RCAN2: variants seen among roughly 807,000 people sequenced by gnomAD.
RCAN2 encodes the protein regulator of calcineurin 2.
RCAN2 carries 9 observed loss-of-function variants against 23.6 expected under a neutral mutation model. The ratio of observed to expected loss-of-function variants is 0.38; its 90% CI spans 0.23 to 0.67. The LOEUF (loss-of-function observed/expected upper bound fraction) is 0.67. RCAN2 is among the 30% of genes least tolerant of loss of function. The probability of loss-of-function intolerance (pLI) is 0.51; values close to 1 mark genes in which losing one functional copy is unlikely to be tolerated. For missense variants in RCAN2, 273 were observed against 302.3 expected (o/e 0.90, Z 0.72); for synonymous variants, 109 against 115.7 (o/e 0.94, Z 0.37).
intron 2 of RCAN2, among the ~76,000 whole-genome samples, chr6:46,449,936 A>C (rs1249597285): frequency 6.6e-6 from 1 of 152,042 alleles, no homozygotes; most frequent in Non-Finnish European, 1.5e-5. Flanking sequence ...TGACCCCAAA[A>C]GCACAGGCAA....
chr6:46,477,872 GCTAACT>G (rs1768757656), intron 1 of RCAN2, among the ~76,000 whole-genome samples: 1 of 152,110 alleles, frequency 6.6e-6, no homozygotes, highest in Non-Finnish European at 1.5e-5. Flanking sequence ...CCATAAAATG[GCTAACT>G]CTAAGTATAT....
chr6:46,412,391 T>C (rs1466725269), intron 2 of RCAN2, among the ~76,000 whole-genome samples: 1 of 152,174 alleles, frequency 6.6e-6, no homozygotes, highest in African/African-American at 2.4e-5. Context: ...TTCTGGGGTA[T>C]AGTTGAGACT....
intron 2 of RCAN2, among the ~76,000 whole-genome samples, chr6:46,258,215 AT>A (rs1654363182): frequency 6.6e-6 from 1 of 152,184 alleles, no homozygotes; most frequent in African/African-American, 2.4e-5. Flanking sequence ...GGCAAATCCC[AT>A]GTTGAAGAAC....
intron 2 of RCAN2, among the ~76,000 whole-genome samples, chr6:46,275,887 T>A (rs1041888281): frequency 5.3e-5 from 8 of 152,200 alleles, no homozygotes; most frequent in Admixed American, 2.0e-4. Context: ...CATCACCATT[T>A]TAGTGAGGTG....
At chr6:46,437,525 G>A (rs1767409197) in intron 2 of RCAN2, among the ~76,000 whole-genome samples, 2 of 152,186 alleles carry the variant, frequency 1.3e-5, no homozygotes, top group Non-Finnish European at 2.9e-5. Flanking sequence ...ACTTTTATTA[G>A]GGAGGACTTC....
chr6:46,348,910 T>C (rs1764568011), intron 2 of RCAN2, among the ~76,000 whole-genome samples: 1 of 152,126 alleles, frequency 6.6e-6, no homozygotes, highest in Non-Finnish European at 1.5e-5. Context: ...CTGCAGATAA[T>C]AGAGGACTCT....
intron 2 of RCAN2, among the ~76,000 whole-genome samples, chr6:46,320,408 A>G (rs1314125618): frequency 6.6e-6 from 1 of 152,132 alleles, no homozygotes; most frequent in African/African-American, 2.4e-5. Flanking sequence ...ATACAAAACA[A>G]GTGATTTGAA....
rs534931402 is a variant in RCAN2 at position 46,264,332 on chromosome 6, C to A, written c.226-15436G>T. Reference sequence around the variant, plus strand: ...ATCAAAGTAAGCTTTTCAAAAGCAGCAGGGTATCCTTTAACTTATTTTTCC... The same window carrying A: ...ATCAAAGTAAGCTTTTCAAAAGCAGAAGGGTATCCTTTAACTTATTTTTCC... On this transcript the variant is annotated intron_variant, in intron 2 of 4. Coordinates refer to ENST00000371374, the MANE Select transcript of RCAN2 (RefSeq NM_001251974.2). Among the ~76,000 whole-genome samples, 33 of 152,280 alleles carry A rather than the reference C, an allele frequency of 2.2e-4. 3 individuals carry two copies. Among genetic ancestry groups the A allele is most frequent in the African/African-American group, 7.9e-4 (33 of 41,578 alleles).
intron 2 of RCAN2, among the ~76,000 whole-genome samples, chr6:46,290,191 C>T (rs1305025382): frequency 1.3e-5 from 2 of 152,076 alleles, no homozygotes; most frequent in African/African-American, 4.8e-5. Flanking sequence ...TGTCTTTCTG[C>T]AGTGACTCAG....
intron 2 of RCAN2, among the ~76,000 whole-genome samples, chr6:46,310,786 C>A (rs1000529227): frequency 6.6e-6 from 1 of 152,076 alleles, no homozygotes; most frequent in Non-Finnish European, 1.5e-5. Flanking sequence ...ATGGATTTTT[C>A]TTTTATTCCT....
intron 2 of RCAN2, among the ~76,000 whole-genome samples, chr6:46,320,481 T>C (rs527887079): frequency 6.6e-6 from 1 of 152,334 alleles, no homozygotes; most frequent in East Asian, 1.9e-4. Flanking sequence ...TGTGCTGGTC[T>C]TTTTCATAAC....
chr6:46,257,776 A>G (rs1012714093), intron 2 of RCAN2, among the ~76,000 whole-genome samples: 1 of 152,330 alleles, frequency 6.6e-6, no homozygotes, highest in Middle Eastern at 3.4e-3. Context: ...ACTGAAAGCC[A>G]GAGAAGCTAA....
intron 2 of RCAN2, among the ~76,000 whole-genome samples, chr6:46,249,872 A>C (rs1766650348): frequency 6.6e-6 from 1 of 151,844 alleles, no homozygotes; most frequent in African/African-American, 2.4e-5. Context: ...TTTTCTCCCG[A>C]CTCCAACCCC....
At chr6:46,258,891 G>A (rs980968302) in intron 2 of RCAN2, among the ~76,000 whole-genome samples, 4 of 152,050 alleles carry the variant, frequency 2.6e-5, no homozygotes, top group African/African-American at 7.2e-5. Context: ...AAATAAAAAC[G>A]TGTATGAGGA....
At chr6:46,428,143 T>G (rs2150415487) in intron 2 of RCAN2, among the ~76,000 whole-genome samples, 1 of 152,364 alleles carries the variant, frequency 6.6e-6, no homozygotes, top group Admixed American at 6.5e-5. Context: ...AGGGCTAAGC[T>G]AGGCCTGGTT....
intron 2 of RCAN2, among the ~76,000 whole-genome samples, chr6:46,318,758 C>G (rs373057471): frequency 1.3e-5 from 2 of 152,032 alleles, no homozygotes; most frequent in East Asian, 3.8e-4. Flanking sequence ...GTTATACATA[C>G]ATTTGCACAT....
intron 2 of RCAN2, among the ~76,000 whole-genome samples, chr6:46,372,258 T>C (rs1378778064): frequency 6.6e-6 from 1 of 152,248 alleles, no homozygotes; most frequent in Non-Finnish European, 1.5e-5. Flanking sequence ...TATTTTTTAT[T>C]GAGCACTTCA....
intron 2 of RCAN2, among the ~76,000 whole-genome samples, chr6:46,367,021 G>GCATATATATATATATATATA (rs1458476806): frequency 5.0e-5 from 2 of 40,202 alleles, no homozygotes; most frequent in Non-Finnish European, 1.1e-4. Flanking sequence ...TATCTGGGAT[G>GCATATATATATATATATATA]GATATATATA....
rs535889572 is a variant in RCAN2, at chr6:46,487,769, A to G, written c.-3+3404T>C. ...CAGGCACTCCCATTAGCTCTGTAAA[A>G]TGGATCAGTTCACACCAAACTATTA... On this transcript the variant is annotated intron_variant, in intron 1 of 4. Coordinates refer to ENST00000371374, the MANE Select transcript of RCAN2 (RefSeq NM_001251974.2). 4.6e-5 allele frequency among the ~76,000 whole-genome samples: 7 copies of G among 152,318 alleles called. No homozygotes were observed. In the East Asian group the frequency reaches 1.4e-3, roughly 29 times the overall value.
Sources: gnomAD v4.1 joint callset for allele counts (sites outside exome capture counted in the v4.1 genomes callset) on GRCh38, gnomAD v4.1.1 for gene constraint, MANE v1.5 for transcripts, NCBI Gene and HGNC (gene_info 2026-07-23, HGNC 2026-07-21) for gene names.